Variants in ELF1 observed in about 807,000 individuals in gnomAD.
ELF1 encodes the protein E74 like ETS transcription factor 1, also known as ETS-related transcription factor Elf-1.
Under a neutral mutation model 59.9 loss-of-function variants are expected in ELF1, and 24 were observed. That is an observed-to-expected ratio of 0.40 (90% CI 0.29 to 0.56). The LOEUF (loss-of-function observed/expected upper bound fraction) is 0.56. Among genes scored for constraint, ELF1 ranks in the 20% least tolerant of loss-of-function variants. ELF1 has a pLI of 0.44. For synonymous variants in ELF1, 248 were observed against 266.2 expected (o/e 0.93, Z 0.67); for missense variants, 627 against 742.2 (o/e 0.84, Z 1.80).
At chr13:40,982,593 T>C (rs1873341787) in intron 1 of ELF1, among the ~76,000 whole-genome samples, 1 of 150,514 alleles carries the variant, frequency 6.6e-6, no homozygotes, top group Admixed American at 6.6e-5. Context: ...ATAATGAGGG[T>C]TGTAATCGCA....
At chr13:41,029,165 A>T (rs1876066499) in intron 1 of ELF1, among the ~76,000 whole-genome samples, 1 of 152,226 alleles carries the variant, frequency 6.6e-6, no homozygotes, top group African/African-American at 2.4e-5. Context: ...GGGTAGTTGT[A>T]TCATTTTAGG....
At chr13:40,964,637 C>T (rs778818590) in intron 2 of ELF1, among the ~76,000 whole-genome samples, 12 of 152,228 alleles carry the variant, frequency 7.9e-5, no homozygotes, top group East Asian at 1.9e-4. Context: ...CGGGCTCAAG[C>T]GATCCTCTCA....
At chr13:40,958,589 T>C (rs971685715) in intron 3 of ELF1, among the ~76,000 whole-genome samples, 11 of 151,672 alleles carry the variant, frequency 7.3e-5, no homozygotes, top group African/African-American at 2.7e-4. Context: ...TCCTTTTAAA[T>C]GCCTCTTATT....
chr13:40,981,504 A>C lies in ELF1; in HGVS notation c.72+479T>G, dbSNP rs568264235. ...TCAGTTCAATCCCCTCATTCTGCAG[A>C]TGATGAAATCTAGATCTAGAGAAGT... is the stretch of plus-strand genomic sequence containing the variant. On this transcript the variant is annotated intron_variant, in intron 2 of 8. Coordinates refer to ENST00000239882, the MANE Select transcript of ELF1 (RefSeq NM_172373.4). Among the ~76,000 whole-genome samples the C allele has an allele frequency of 1.3e-4, 20 of 152,274 alleles. 1 individual carries two copies. Among genetic ancestry groups the C allele is most frequent in the South Asian group, 1.0e-3 (5 of 4,828 alleles).
intron 8 of ELF1, among the ~76,000 whole-genome samples, chr13:40,938,937 A>G (rs1267401803): frequency 1.3e-5 from 2 of 152,166 alleles, no homozygotes; most frequent in African/African-American, 4.8e-5. Flanking sequence ...TACTAGCTGA[A>G]TTTTTCCATA....
chr13:41,056,175 T>C (rs984754653), intron 1 of ELF1, among the ~76,000 whole-genome samples: 1 of 152,198 alleles, frequency 6.6e-6, no homozygotes, highest in African/African-American at 2.4e-5. Context: ...CAAACCTCCC[T>C]ATCCCCTCTA....
chr13:41,022,070 T>A (rs1875711374), upstream of ELF1, among the ~76,000 whole-genome samples: 1 of 152,182 alleles, frequency 6.6e-6, no homozygotes, highest in Non-Finnish European at 1.5e-5. Flanking sequence ...CCAAGAGAAA[T>A]GAAGATATGT....
chr13:41,002,899 CAA>C (rs993081898), intron 1 of ELF1, among the ~76,000 whole-genome samples: 8 of 151,966 alleles, frequency 5.3e-5, no homozygotes, highest in African/African-American at 1.9e-4. Context: ...TACTTGAAAA[CAA>C]AAGACATATA....
chr13:41,002,063 T>G (rs951305358), intron 1 of ELF1, among the ~76,000 whole-genome samples: 4 of 152,024 alleles, frequency 2.6e-5, no homozygotes, highest in African/African-American at 9.7e-5. Context: ...TTTTTTACCT[T>G]TCAGAGACGA....
chr13:41,040,431 A>G (rs997147738), intron 1 of ELF1, among the ~76,000 whole-genome samples: 22 of 152,196 alleles, frequency 1.4e-4, no homozygotes, highest in Admixed American at 9.8e-4. Flanking sequence ...ACATTTCAGT[A>G]TATGCAATGA....
intron 2 of ELF1, among the ~76,000 whole-genome samples, chr13:40,962,750 A>C (rs945469591): frequency 6.6e-6 from 1 of 152,076 alleles, no homozygotes; most frequent in Admixed American, 6.5e-5. Context: ...AGGCAGCCAC[A>C]TGTAGCAGAA....
At chr13:40,972,059 A>C (rs1282987110) in intron 2 of ELF1, among the ~76,000 whole-genome samples, 1 of 152,212 alleles carries the variant, frequency 6.6e-6, no homozygotes, top group Non-Finnish European at 1.5e-5. Flanking sequence ...AAGTGTTTTA[A>C]ACATGCAGAT....
intron 4 of ELF1, among the ~76,000 whole-genome samples, chr13:40,950,509 T>C (rs1288417370): frequency 2.6e-5 from 4 of 151,894 alleles, no homozygotes; most frequent in Non-Finnish European, 5.9e-5. Context: ...TTTTAACAGA[T>C]CTGTGTCTTG....
Position 40,957,952 on chromosome 13 carries a change from G to A in ELF1, c.253+884C>T, listed in dbSNP as rs367774130. Among the ~76,000 whole-genome samples, 11 of 152,298 alleles carry A rather than the reference G, an allele frequency of 7.2e-5. No individual in the cohort carries two copies. In the East Asian group the frequency reaches 1.9e-3, roughly 27 times the overall value. On this transcript the variant is annotated intron_variant, in intron 3 of 8. Transcript: ENST00000239882. Reference sequence around the variant, plus strand: ...TCTAAGGCATTGTGCTACATGCTAAGGTAAAGCTGAGAACAAGGCAGCCCC... The same window carrying A: ...TCTAAGGCATTGTGCTACATGCTAAAGTAAAGCTGAGAACAAGGCAGCCCC...
intron 4 of ELF1, 95 bp from the exon 5 acceptor site, chr13:40,950,068 T>G: frequency 1.8e-6 from 2 of 1,130,318 alleles, no homozygotes; most frequent in Non-Finnish European, 2.4e-6. Context: ...GACTAGAAGA[T>G]TAAAGTAGAA....
chr13:41,010,513 A>ATGTGTG (rs1566188551), intron 1 of ELF1, among the ~76,000 whole-genome samples: 5 of 132,442 alleles, frequency 3.8e-5, no homozygotes, highest in Non-Finnish European at 7.7e-5. Flanking sequence ...GTGTGTGTGC[A>ATGTGTG]CACTTTCCTT....
chr13:40,991,879 G>T (rs1873871681), intron 1 of ELF1, among the ~76,000 whole-genome samples: 1 of 152,078 alleles, frequency 6.6e-6, no homozygotes, highest in African/African-American at 2.4e-5. Flanking sequence ...TAGATTTGAG[G>T]TGATGGTGAA....
chr13:40,952,819 C>G (rs1157569052), intron 3 of ELF1, among the ~76,000 whole-genome samples: 1 of 151,194 alleles, frequency 6.6e-6, no homozygotes, highest in East Asian at 1.9e-4. Context: ...CTTCTTTCAT[C>G]CATACCCCAC....
chr13:41,056,361 AT>A (rs199943008), intron 1 of ELF1, among the ~76,000 whole-genome samples: 2,221 of 152,214 alleles, frequency 0.015, 27 homozygotes, highest in Non-Finnish European at 0.024. Context: ...GATACACTAC[AT>A]TTTACCTATT....
Sources: gnomAD v4.1 joint callset for allele counts (sites outside exome capture counted in the v4.1 genomes callset) on GRCh38, gnomAD v4.1.1 for gene constraint, MANE v1.5 for transcripts, NCBI Gene and HGNC (gene_info 2026-07-23, HGNC 2026-07-21) for gene names.